ABL2: variants seen among roughly 807,000 people sequenced by gnomAD.
ABL2 encodes the protein tyrosine-protein kinase ABL2.
In ABL2, 49 loss-of-function variants were observed where a neutral mutation model predicts 107.7. The ratio of observed to expected loss-of-function variants is 0.45; its 90% CI spans 0.36 to 0.58. The LOEUF (loss-of-function observed/expected upper bound fraction) is 0.58. Among genes scored for constraint, ABL2 ranks in the 20% least tolerant of loss-of-function variants. ABL2 has a pLI of 0.00. For synonymous variants in ABL2, 549 were observed against 548.6 expected, an observed-to-expected ratio of 1.00 and a Z score of -0.01; for missense variants, 1,245 against 1,457.0, an observed-to-expected ratio of 0.85 and a Z score of 2.37.
chr1:179,119,010 A>G (rs983528500), intron 6 of ABL2, among the ~76,000 whole-genome samples: 1 of 152,190 alleles, frequency 6.6e-6, no homozygotes, highest in African/African-American at 2.4e-5. Context: ...TTTGAGCAAA[A>G]GCAGAGTTAC....
chr1:179,196,841 TTA>T (rs1442177038), intron 1 of ABL2, among the ~76,000 whole-genome samples: 1 of 151,916 alleles, frequency 6.6e-6, no homozygotes, highest in Non-Finnish European at 1.5e-5. Flanking sequence ...ATGGTAAATT[TTA>T]TGTTACATGT....
chr1:179,108,521 G>A lies in ABL2; in HGVS notation c.2746C>T (p.Pro916Ser), dbSNP rs1471158235. Residue 916 changes from proline (P) to serine (S), a missense_variant, in exon 12 of 12, where the codon CCA (proline) becomes TCA (serine). Coordinates refer to ENST00000502732, the MANE Select transcript of ABL2 (RefSeq NM_007314.4). The stretch of plus-strand genomic sequence containing the variant: ...GGGAGGACGGGGGCAGCCTTGGCTG[G>A]AGAAGGCCAGCCCGGCTGCTCTCCA... ...EDGEQPGWPS[P>S]AKAAPVLPTT... The A allele has an allele frequency of 2.0e-5, 33 of 1,614,052 alleles. No homozygotes were observed. Among genetic ancestry groups the A allele is most frequent in the Non-Finnish European group, 2.8e-5 (33 of 1,180,034 alleles).
intron 1 of ABL2, among the ~76,000 whole-genome samples, chr1:179,213,378 A>C (rs1662395023): frequency 6.6e-6 from 1 of 151,766 alleles, no homozygotes; most frequent in Non-Finnish European, 1.5e-5. Context: ...ATGTTGCCCA[A>C]GGCAGGTCTC....
chr1:179,110,787 T>C, intron 10 of ABL2: 3 of 1,614,006 alleles, frequency 1.9e-6, no homozygotes, highest in Non-Finnish European at 2.5e-6. Flanking sequence ...AGCATCATCC[T>C]GCTCTGTGTC....
chr1:179,182,817 A>G (rs1214814763), intron 1 of ABL2, among the ~76,000 whole-genome samples: 1 of 152,124 alleles, frequency 6.6e-6, no homozygotes, highest in Non-Finnish European at 1.5e-5. Context: ...TTTTTGGTTA[A>G]CAGCTTATAG....
At chr1:179,115,068 C>T in intron 8 of ABL2, 38 bp from the exon 9 acceptor site, 1 of 1,541,692 alleles carries the variant, frequency 6.5e-7, no homozygotes, top group Non-Finnish European at 8.7e-7. Flanking sequence ...AGTGTTTCTT[C>T]TCCGATTATT....
intron 1 of ABL2, among the ~76,000 whole-genome samples, chr1:179,191,413 CTTTTTTTTTTTTTTT>C: frequency 1.3e-5 from 1 of 77,188 alleles, no homozygotes; most frequent in East Asian, 4.4e-4. Flanking sequence ...TATGAAATCC[CTTTTTTTTTTTTTTT>C]TTTTTTTTTG....
At chr1:179,133,224 G>T in intron 2 of ABL2, 88 bp downstream of exon 2, 2 of 1,577,938 alleles carry the variant, frequency 1.3e-6, no homozygotes, top group Non-Finnish European at 8.6e-7. Context: ...TGAATTTGTG[G>T]TTCCATTTAT....
chr1:179,227,500 T>C (rs901301772), intron 1 of ABL2, among the ~76,000 whole-genome samples: 1 of 152,200 alleles, frequency 6.6e-6, no homozygotes, highest in African/African-American at 2.4e-5. Flanking sequence ...CCATTCTTCA[T>C]GACTTCCTCT....
At chr1:179,116,561 AG>A (rs950070359) in intron 8 of ABL2, among the ~76,000 whole-genome samples, 1 of 102,450 alleles carries the variant, frequency 9.8e-6, no homozygotes, top group Non-Finnish European at 2.1e-5. Context: ...CCCAGGCTGG[AG>A]TACAATGGTG....
At chr1:179,127,578 AG>A (rs1328914850) in intron 3 of ABL2, among the ~76,000 whole-genome samples, 1 of 152,256 alleles carries the variant, frequency 6.6e-6, no homozygotes, top group Non-Finnish European at 1.5e-5. Flanking sequence ...TTGACAAAAC[AG>A]AAAAAGTGAA....
chr1:179,184,478 T>C (rs376454467), intron 1 of ABL2: 13 of 870,382 alleles, frequency 1.5e-5, no homozygotes, highest in South Asian at 8.8e-5. Context: ...CAGGTGCTCA[T>C]ATGTTAGGAA....
intron 10 of ABL2, among the ~76,000 whole-genome samples, chr1:179,111,187 T>C (rs1006021036): frequency 8.6e-5 from 13 of 151,760 alleles, no homozygotes; most frequent in African/African-American, 3.1e-4. Flanking sequence ...TTTCACCATG[T>C]TGGCCAGGCT....
At chr1:179,197,121 G>A (rs1307197195) in intron 1 of ABL2, among the ~76,000 whole-genome samples, 2 of 152,120 alleles carry the variant, frequency 1.3e-5, no homozygotes, top group Admixed American at 6.5e-5. Flanking sequence ...AAATGAGAAC[G>A]AGGCAATATT....
In ABL2 at chr1:179,229,507, C is replaced by G; in HGVS notation, c.-110G>C. 8.0e-7 allele frequency: 1 copy of G among 1,256,310 alleles called. No homozygotes were observed. The highest frequency in any genetic ancestry group is 1.0e-6 in the Non-Finnish European group (1 of 970,626). The allele number at this position is 1,256,310 out of a possible 1,614,324, so 77.8% of individuals were successfully genotyped here. On this transcript the variant is annotated 5_prime_UTR_variant, in exon 1 of 12. Coordinates refer to ENST00000502732, the MANE Select transcript of ABL2 (RefSeq NM_007314.4). Reference sequence around the variant, plus strand: ...CGGTCTCTCCCTCCCAGCCCAGGCCCTGGCCCTGAGTGGCTGGGCCACCGG... The same window carrying G: ...CGGTCTCTCCCTCCCAGCCCAGGCCGTGGCCCTGAGTGGCTGGGCCACCGG...
At chr1:179,217,400 T>C (rs1286591794) in intron 1 of ABL2, among the ~76,000 whole-genome samples, 1 of 150,988 alleles carries the variant, frequency 6.6e-6, no homozygotes, top group African/African-American at 2.4e-5. Flanking sequence ...CCAAGGTGGA[T>C]GAGTCACCTG....
chr1:179,229,170 G>GGCCCCCCCCCCCCCCCCCCCC, intron 1 of ABL2, 71 bp downstream of exon 1: 1 of 266,256 alleles, frequency 3.8e-6, no homozygotes, highest in Non-Finnish European at 6.8e-6. Context: ...CAGCCCGTCC[G>GGCCCCCCCCCCCCCCCCCCCC]CCACCCACCC....
At position 179,211,791 on chromosome 1, in the gene ABL2, G is replaced by GAA. The variant is rs35073460; in HGVS notation, c.157+17448_157+17449dup. 4.3e-3 allele frequency among the ~76,000 whole-genome samples: 580 copies of GAA among 136,030 alleles called. 4 individuals carry two copies. The highest frequency in any genetic ancestry group is 6.2e-3 in the Non-Finnish European group (393 of 63,362). The allele number at this position is 136,030 out of a possible 152,430, so 89.2% of individuals were successfully genotyped here. On this transcript the variant is annotated intron_variant, in intron 1 of 11. Transcript: ENST00000502732. ...GGGTGACAGAGCAAGAATCCTTCTC[G>GAA]AAAAAAAAAAAAAAATTTAAATAAC...
At chr1:179,186,172 G>C (rs1473604671) in intron 1 of ABL2, among the ~76,000 whole-genome samples, 1 of 151,992 alleles carries the variant, frequency 6.6e-6, no homozygotes, top group African/African-American at 2.4e-5. Context: ...TTGAACCTGG[G>C]AGGCAGAGGT....
Sources: gnomAD v4.1 joint callset for allele counts (sites outside exome capture counted in the v4.1 genomes callset) on GRCh38, gnomAD v4.1.1 for gene constraint, MANE v1.5 for transcripts, NCBI Gene and HGNC (gene_info 2026-07-23, HGNC 2026-07-21) for gene names.